NBEA: variants seen among roughly 807,000 people sequenced by gnomAD.
NBEA encodes neurobeachin.
Under a neutral mutation model 343.4 loss-of-function variants are expected in NBEA, and 44 were observed. That is an observed-to-expected ratio of 0.13 (90% confidence interval 0.10 to 0.16). NBEA has a LOEUF of 0.16. Among genes scored for constraint, NBEA ranks in the 10% least tolerant of loss-of-function variants. The pLI is 1.00. For synonymous variants in NBEA, 1,175 were observed against 1,238.7 expected, an observed-to-expected ratio of 0.95 and a Z score of 1.08; for missense variants, 2,555 against 3,631.3, an observed-to-expected ratio of 0.70 and a Z score of 7.62.
intron 41 of NBEA, among the ~76,000 whole-genome samples, chr13:35,550,217 CA>C (rs2079252023): frequency 1.3e-5 from 2 of 152,084 alleles, no homozygotes; most frequent in African/African-American, 4.8e-5. Context: ...ATACAAGACC[CA>C]AAAGTGATAA....
intron 35 of NBEA, among the ~76,000 whole-genome samples, chr13:35,300,900 G>A (rs1351542789): frequency 6.6e-6 from 1 of 151,872 alleles, no homozygotes; most frequent in East Asian, 1.9e-4. Flanking sequence ...CCAATACTGT[G>A]TACTGTTGTC....
At chr13:35,488,391 G>C (rs560501663) in intron 41 of NBEA, among the ~76,000 whole-genome samples, 4 of 151,804 alleles carry the variant, frequency 2.6e-5, no homozygotes, top group Non-Finnish European at 5.9e-5. Context: ...GTTTTTCATA[G>C]CTTTATCGAA....
chr13:35,069,051 A>T (rs1259918841), intron 8 of NBEA, among the ~76,000 whole-genome samples: 28 of 152,142 alleles, frequency 1.8e-4, no homozygotes, highest in Admixed American at 1.8e-3. Flanking sequence ...GCTCAGCATG[A>T]AAAAGATAAT....
chr13:35,100,580 T>G lies in NBEA; in HGVS notation c.1680+2175T>G, dbSNP rs533260493. On this transcript the variant is annotated intron_variant, in intron 11 of 58. Coordinates refer to ENST00000379939, the MANE Select transcript of NBEA (RefSeq NM_001385012.1). ...TACCCCGTTAAATAATTTGCTTTCATTTGTTTGATGAGAATGTATCAGAAA... is the reference window on the plus strand; with the variant it reads ...TACCCCGTTAAATAATTTGCTTTCAGTTGTTTGATGAGAATGTATCAGAAA... Among the ~76,000 whole-genome samples, 145 of 152,158 alleles carry G rather than the reference T, an allele frequency of 9.5e-4. 1 individual carries two copies. The highest frequency in any genetic ancestry group is 1.0e-3 in the Non-Finnish European group (71 of 67,884).
At chr13:35,117,929 G>A (rs1337596791) in intron 14 of NBEA, among the ~76,000 whole-genome samples, 2 of 151,926 alleles carry the variant, frequency 1.3e-5, no homozygotes, top group Non-Finnish European at 2.9e-5. Flanking sequence ...TTGTTTTAAG[G>A]AAAGAGTAAG....
At chr13:35,389,586 C>T (rs976702595) in intron 38 of NBEA, among the ~76,000 whole-genome samples, 1 of 151,918 alleles carries the variant, frequency 6.6e-6, no homozygotes, top group African/African-American at 2.4e-5. Flanking sequence ...AGATAGAAAG[C>T]TGTATTATTA....
intron 34 of NBEA, among the ~76,000 whole-genome samples, chr13:35,257,095 C>G (rs922676487): frequency 6.6e-6 from 1 of 152,186 alleles, no homozygotes; most frequent in African/African-American, 2.4e-5. Flanking sequence ...CCATCAATGT[C>G]ACTTTTTAAA....
At chr13:35,471,834 G>T (rs1048115329) in intron 40 of NBEA, among the ~76,000 whole-genome samples, 2 of 152,118 alleles carry the variant, frequency 1.3e-5, no homozygotes, top group Admixed American at 6.5e-5. Context: ...ATGTCCGTAT[G>T]CACGCGTATG....
chr13:35,196,262 A>C lies in NBEA; in HGVS notation c.5326A>C (p.Thr1776Pro). ...PYPDPALKRE[T>P]QAILPMQFHS... ...CCCAGATCCAGCATTGAAGAGAGAA[A>C]CACAAGCTATTCTTCCTATGCAGTT... The change falls in exon 31 of 59, where the codon ACA becomes CCA. Residue 1776 changes from threonine (T) to proline (P), a missense_variant. Coordinates refer to ENST00000379939, the MANE Select transcript of NBEA (RefSeq NM_001385012.1). 3 of 1,613,506 alleles carry C rather than the reference A, an allele frequency of 1.9e-6. No individual in the cohort carries two copies. Among genetic ancestry groups the C allele is most frequent in the Non-Finnish European group, 2.5e-6 (3 of 1,179,636 alleles).
intron 17 of NBEA, among the ~76,000 whole-genome samples, chr13:35,136,151 C>T (rs1593465089): frequency 6.6e-6 from 1 of 151,992 alleles, no homozygotes; most frequent in East Asian, 1.9e-4. Flanking sequence ...AAAATATTGA[C>T]AGCGAAAAAA....
chr13:35,099,198 G>GTTT (rs760866538), intron 11 of NBEA, among the ~76,000 whole-genome samples: 15 of 113,850 alleles, frequency 1.3e-4, no homozygotes, highest in African/African-American at 1.3e-4. Flanking sequence ...CCTGGCTAAA[G>GTTT]TTTTTTTTTT....
At chr13:35,625,438 G>A (rs899735884) in intron 48 of NBEA, among the ~76,000 whole-genome samples, 7 of 152,076 alleles carry the variant, frequency 4.6e-5, no homozygotes, top group East Asian at 1.9e-4. Context: ...GCAACATGGC[G>A]AAACCCTGTC....
intron 38 of NBEA, among the ~76,000 whole-genome samples, chr13:35,422,464 C>A (rs1427352236): frequency 6.6e-6 from 1 of 152,070 alleles, no homozygotes; most frequent in Non-Finnish European, 1.5e-5. Flanking sequence ...CATGTCCCTA[C>A]AAAGGACATG....
At chr13:35,521,114 TC>T (rs1357597138) in intron 41 of NBEA, among the ~76,000 whole-genome samples, 1 of 152,060 alleles carries the variant, frequency 6.6e-6, no homozygotes, top group African/African-American at 2.4e-5. Context: ...GATCAAGTCT[TC>T]CCAGGATAAC....
rs368353247 is a variant in NBEA at position 35,074,322 on chromosome 13, A to G, written c.1571+3470A>G. 7.2e-5 allele frequency among the ~76,000 whole-genome samples: 11 copies of G among 152,292 alleles called. No homozygotes were observed. The East Asian group carries it at 2.1e-3, about 29-fold the overall frequency. On this transcript the variant is annotated intron_variant, in intron 10 of 58. Coordinates refer to ENST00000379939, the MANE Select transcript of NBEA (RefSeq NM_001385012.1). Reference sequence around the variant, plus strand: ...TGAGTACATACATCTTATTGAGTACATATTTTTCTTACATTGAGCTATGTT... The same window carrying G: ...TGAGTACATACATCTTATTGAGTACGTATTTTTCTTACATTGAGCTATGTT...
chr13:35,258,280 G>T (rs1447899155), intron 34 of NBEA, among the ~76,000 whole-genome samples: 1 of 151,446 alleles, frequency 6.6e-6, no homozygotes, highest in African/African-American at 2.4e-5. Context: ...CGATTCTCCT[G>T]CCTCAGCCTC....
intron 48 of NBEA, among the ~76,000 whole-genome samples, chr13:35,626,698 T>C (rs1037660146): frequency 7.9e-5 from 12 of 152,308 alleles, no homozygotes; most frequent in Admixed American, 5.2e-4. Flanking sequence ...TGAATAGTTA[T>C]AGAGAATTGA....
chr13:35,310,884 A>G (rs886224728), intron 36 of NBEA, among the ~76,000 whole-genome samples: 2 of 152,220 alleles, frequency 1.3e-5, no homozygotes, highest in African/African-American at 4.8e-5. Flanking sequence ...TCTATATGGT[A>G]TAGATACCCA....
intron 40 of NBEA, among the ~76,000 whole-genome samples, chr13:35,454,476 G>C (rs919862995): frequency 6.6e-6 from 1 of 152,080 alleles, no homozygotes; most frequent in South Asian, 2.1e-4. Context: ...TAATAATAAT[G>C]TCTGTCTTAC....
Sources: allele counts gnomAD v4.1 joint callset (sites outside exome capture counted in the v4.1 genomes callset), GRCh38; gene constraint gnomAD v4.1.1; transcripts MANE v1.5; gene names NCBI Gene and HGNC (gene_info 2026-07-23, HGNC 2026-07-21).